The following NDST4 variants were observed in gnomAD, a reference collection of about 807,000 sequenced individuals.
NDST4 encodes the protein N-heparan sulfate sulfotransferase 4.
NDST4 carries 63 observed loss-of-function variants against 100.8 expected under a neutral mutation model. That is an observed-to-expected ratio of 0.62 (90% CI 0.51 to 0.77). NDST4 has a LOEUF of 0.77. NDST4 is among the 30% of genes least tolerant of loss of function. NDST4 has a pLI of 0.00. For missense variants in NDST4, 943 were observed against 1,018.4 expected (o/e 0.93, Z 1.01); for synonymous variants, 377 against 361.8 (o/e 1.04, Z -0.48).
intron 3 of NDST4, among the ~76,000 whole-genome samples, chr4:114,973,516 C>T (rs966548735): frequency 2.6e-5 from 4 of 151,768 alleles, no homozygotes; most frequent in South Asian, 4.1e-4. Context: ...GAAAAAAATA[C>T]ATTTTGCACT....
intron 10 of NDST4, among the ~76,000 whole-genome samples, chr4:114,840,542 A>G (rs780947231): frequency 2.0e-5 from 3 of 152,230 alleles, no homozygotes; most frequent in Non-Finnish European, 2.9e-5. Flanking sequence ...TGCAGCATGA[A>G]AGGACTTTTC....
At chr4:115,040,827 C>A (rs1317978871) in intron 2 of NDST4, among the ~76,000 whole-genome samples, 1 of 151,842 alleles carries the variant, frequency 6.6e-6, no homozygotes, top group African/African-American at 2.4e-5. Flanking sequence ...AATACAACGT[C>A]TGCAATAGGT....
At chr4:114,929,099 TCCATCC>T (rs1560817030) in intron 6 of NDST4, among the ~76,000 whole-genome samples, 267 of 134,388 alleles carry the variant, frequency 2.0e-3, no homozygotes, top group African/African-American at 7.2e-3. Flanking sequence ...CATCCATCCA[TCCATCC>T]ATCCATCCAT....
chr4:115,079,623 C>T (rs970812601), intron 1 of NDST4, among the ~76,000 whole-genome samples: 5 of 152,040 alleles, frequency 3.3e-5, no homozygotes, highest in African/African-American at 1.2e-4. Context: ...TTAAGATATG[C>T]ATTACATCAG....
At chr4:115,101,963 G>C (rs528530880) in intron 1 of NDST4, among the ~76,000 whole-genome samples, 140 of 152,170 alleles carry the variant, frequency 9.2e-4, no homozygotes, top group African/African-American at 3.2e-3. Flanking sequence ...GAGGAGAAAA[G>C]AGAGATTTGA....
At chr4:114,933,020 C>A (rs1012124260) in intron 6 of NDST4, among the ~76,000 whole-genome samples, 8 of 152,184 alleles carry the variant, frequency 5.3e-5, no homozygotes, top group African/African-American at 1.9e-4. Flanking sequence ...TCAAAGCAAT[C>A]TTGAGAAACA....
intron 2 of NDST4, among the ~76,000 whole-genome samples, chr4:115,070,238 A>C (rs1317349706): frequency 2.0e-5 from 3 of 152,184 alleles, no homozygotes; most frequent in Non-Finnish European, 4.4e-5. Flanking sequence ...ATACTATAAC[A>C]AGAATGAGAT....
chr4:115,043,432 T>G (rs1728396092), intron 2 of NDST4, among the ~76,000 whole-genome samples: 2 of 152,074 alleles, frequency 1.3e-5, no homozygotes, highest in South Asian at 4.1e-4. Context: ...GCATTAATAT[T>G]TGTATAAATG....
At chr4:115,095,853 G>A (rs554118847) in intron 1 of NDST4, among the ~76,000 whole-genome samples, 3 of 151,940 alleles carry the variant, frequency 2.0e-5, no homozygotes, top group Non-Finnish European at 4.4e-5. Flanking sequence ...ATTAATCATT[G>A]TATAACAGTA....
At chr4:115,051,286 T>A (rs1203075207) in intron 2 of NDST4, among the ~76,000 whole-genome samples, 1 of 152,070 alleles carries the variant, frequency 6.6e-6, no homozygotes, top group African/African-American at 2.4e-5. Flanking sequence ...AAATTTTACA[T>A]TTTTTTATTT....
chr4:115,051,395 TC>T (rs766209328), intron 2 of NDST4, among the ~76,000 whole-genome samples: 1 of 152,126 alleles, frequency 6.6e-6, no homozygotes, highest in Admixed American at 6.6e-5. Context: ...TACGTTCTTT[TC>T]TTTCCCTTAA....
At chr4:115,054,988 G>C (rs995933630) in intron 2 of NDST4, among the ~76,000 whole-genome samples, 5 of 152,094 alleles carry the variant, frequency 3.3e-5, no homozygotes, top group Non-Finnish European at 5.9e-5. Flanking sequence ...GGCCAGTAAA[G>C]CTTCATCTGT....
intron 2 of NDST4, among the ~76,000 whole-genome samples, chr4:115,073,957 C>G (rs1012487812): frequency 6.6e-6 from 1 of 151,722 alleles, no homozygotes; most frequent in Non-Finnish European, 1.5e-5. Context: ...AAAAATAATT[C>G]TGAGGGAGAA....
chr4:114,970,843 T>C (rs1726497696), intron 3 of NDST4, among the ~76,000 whole-genome samples: 2 of 152,206 alleles, frequency 1.3e-5, no homozygotes, highest in Admixed American at 6.5e-5. Flanking sequence ...TTTATACTCT[T>C]ACATATATGT....
chr4:115,098,237 G>A (rs546943477), intron 1 of NDST4, among the ~76,000 whole-genome samples: 4 of 152,024 alleles, frequency 2.6e-5, no homozygotes, highest in African/African-American at 9.7e-5. Flanking sequence ...GGATTGAAAA[G>A]GTAGGTAGGT....
At chr4:114,848,380 A>G (rs1337631294) in intron 8 of NDST4, 42 bp from the exon 9 acceptor site, 1 of 1,402,374 alleles carries the variant, frequency 7.1e-7, no homozygotes, top group Non-Finnish European at 9.7e-7. Flanking sequence ...TGGCAATAAG[A>G]GACAAAATAT....
At chr4:115,051,928 A>G (rs1184514957) in intron 2 of NDST4, among the ~76,000 whole-genome samples, 2 of 152,164 alleles carry the variant, frequency 1.3e-5, no homozygotes, top group South Asian at 2.1e-4. Context: ...AAAAGTTTCA[A>G]TGAAAAATAT....
At chr4:114,828,791 A>G (rs1272824197) in intron 13 of NDST4, among the ~76,000 whole-genome samples, 4 of 152,120 alleles carry the variant, frequency 2.6e-5, no homozygotes, top group African/African-American at 4.8e-5. Flanking sequence ...AAGATCCACC[A>G]TCTCTCTTAA....
chr4:115,022,436 T>TATATATATGTGTTCC (rs748295914), intron 2 of NDST4, among the ~76,000 whole-genome samples: 2,202 of 86,066 alleles, frequency 0.026, 148 homozygotes, highest in Non-Finnish European at 0.045. Context: ...ATGTGTTCCA[T>TATATATATGTGTTCC]ATATATGTGT....
Sources: allele counts gnomAD v4.1 joint callset (sites outside exome capture counted in the v4.1 genomes callset), GRCh38; gene constraint gnomAD v4.1.1; transcripts MANE v1.5; gene names NCBI Gene and HGNC (gene_info 2026-07-23, HGNC 2026-07-21).